The following AUTS2 variants were observed in gnomAD, a reference collection of about 807,000 sequenced individuals.
The protein encoded by AUTS2 is activator of transcription and developmental regulator AUTS2.
AUTS2 carries 17 observed loss-of-function variants against 112.4 expected under a neutral mutation model. That is an observed-to-expected ratio of 0.15 (90% CI 0.10 to 0.23). The LOEUF (loss-of-function observed/expected upper bound fraction) is 0.23. Among genes scored for constraint, AUTS2 ranks in the 10% least tolerant of loss-of-function variants. The pLI, the probability that AUTS2 is intolerant of heterozygous loss-of-function variation, is 1.00. For missense variants in AUTS2, 1,510 were observed against 1,701.6 expected (o/e 0.89, Z 1.98); for synonymous variants, 751 against 702.7 (o/e 1.07, Z -1.09).
At chr7:70,519,092 T>A (rs1374150482) in intron 5 of AUTS2, among the ~76,000 whole-genome samples, 1 of 152,222 alleles carries the variant, frequency 6.6e-6, no homozygotes, top group Non-Finnish European at 1.5e-5. Flanking sequence ...AGCCTTTATT[T>A]ACACTGTTTG....
At chr7:70,418,075 CTGTGTGTGTGTGTGTG>C (rs34869843) in intron 4 of AUTS2, among the ~76,000 whole-genome samples, 1 of 136,370 alleles carries the variant, frequency 7.3e-6, no homozygotes, top group African/African-American at 2.6e-5. Flanking sequence ...GGCTAACTTT[CTGTGTGTGTGTGTGTG>C]TGTGTGTGTG....
At position 70,709,196 on chromosome 7, in the gene AUTS2, C is replaced by T. The variant is rs1470602069; in HGVS notation, c.742+10576C>T. Reference sequence around the variant, plus strand: ...CCTCCCAAAGCACTGGGATTACAGGCGTGAGCCACCGTACCCGGCCTTGTT... The same window carrying T: ...CCTCCCAAAGCACTGGGATTACAGGTGTGAGCCACCGTACCCGGCCTTGTT... On this transcript the variant is annotated intron_variant, in intron 6 of 18. Transcript: ENST00000342771. Among the ~76,000 whole-genome samples the T allele has an allele frequency of 4.6e-5, 7 of 152,022 alleles. No individual in the cohort carries two copies. The East Asian group carries it at 9.8e-4, about 21-fold the overall frequency.
intron 5 of AUTS2, among the ~76,000 whole-genome samples, chr7:70,455,018 T>A (rs1261646895): frequency 6.6e-6 from 1 of 152,202 alleles, no homozygotes; most frequent in Non-Finnish European, 1.5e-5. Context: ...GTTGATTCTT[T>A]GCTTCCCTTT....
chr7:70,619,407 G>T lies in AUTS2; in HGVS notation c.691-79162G>T, dbSNP rs1045310704. Among the ~76,000 whole-genome samples the T allele has an allele frequency of 2.6e-5, 4 of 152,050 alleles. No homozygotes were observed. In the East Asian group the frequency reaches 7.8e-4, roughly 30 times the overall value. Reference sequence around the variant, plus strand: ...CTTTTTGTGCCTGGCCATTGTCTGGGGAGTGCGTGCGGCCTGCCATGCTCT... The same window carrying T: ...CTTTTTGTGCCTGGCCATTGTCTGGTGAGTGCGTGCGGCCTGCCATGCTCT... On this transcript the variant is annotated intron_variant, in intron 5 of 18. Coordinates refer to ENST00000342771, the MANE Select transcript of AUTS2 (RefSeq NM_015570.4).
intron 2 of AUTS2, among the ~76,000 whole-genome samples, chr7:69,906,169 T>G (rs1795142188): frequency 6.6e-6 from 1 of 152,214 alleles, no homozygotes; most frequent in Admixed American, 6.5e-5. Context: ...TGGTAGTTGA[T>G]GAGGGTAGGA....
At chr7:70,518,410 C>T (rs3113270) in intron 5 of AUTS2, among the ~76,000 whole-genome samples, 2,366 of 152,028 alleles carry the variant, frequency 0.016, 78 homozygotes, top group African/African-American at 0.054. Flanking sequence ...GGGCTGGGTG[C>T]GGTGGCTCAT....
At chr7:70,344,714 T>C (rs191109709) in intron 4 of AUTS2, among the ~76,000 whole-genome samples, 27 of 152,340 alleles carry the variant, frequency 1.8e-4, no homozygotes, top group African/African-American at 6.0e-4. Flanking sequence ...GCTAGCAGTA[T>C]GTCTCCCCCA....
intron 5 of AUTS2, among the ~76,000 whole-genome samples, chr7:70,640,938 C>T (rs1563094756): frequency 6.6e-6 from 1 of 152,246 alleles, no homozygotes; most frequent in East Asian, 1.9e-4. Flanking sequence ...TCTGATCTCC[C>T]CCGTTCCACA....
In AUTS2 at chr7:70,759,568, A is replaced by G. The variant is rs539197950; in HGVS notation, c.743-3302A>G. On this transcript the variant is annotated intron_variant, in intron 6 of 18. Transcript: ENST00000342771. ...TTGGGGTCTTCCCTTCATCTCTGGT[A>G]GCTTGTTGGAGGTGGTGCTGACGGC... Among the ~76,000 whole-genome samples, 4 of 152,312 alleles carry G rather than the reference A, an allele frequency of 2.6e-5. No individual in the cohort carries two copies. The East Asian group carries it at 7.7e-4, about 29-fold the overall frequency.
chr7:70,612,508 G>A (rs557546167), intron 5 of AUTS2, among the ~76,000 whole-genome samples: 9 of 151,986 alleles, frequency 5.9e-5, no homozygotes, highest in Admixed American at 2.6e-4. Context: ...TGTGAACCCT[G>A]GAGATGATCT....
intron 5 of AUTS2, among the ~76,000 whole-genome samples, chr7:70,560,632 G>T (rs577602461): frequency 6.6e-5 from 10 of 152,292 alleles, no homozygotes; most frequent in African/African-American, 2.2e-4. Context: ...GAAAGCAGAA[G>T]AATTCATTTT....
intron 4 of AUTS2, among the ~76,000 whole-genome samples, chr7:70,354,464 C>T (rs1204182876): frequency 6.6e-6 from 1 of 152,220 alleles, no homozygotes; most frequent in Non-Finnish European, 1.5e-5. Flanking sequence ...TTGTCATTAG[C>T]TTTTCGCATG....
chr7:69,834,958 G>A (rs1258496121), intron 1 of AUTS2, among the ~76,000 whole-genome samples: 5 of 151,204 alleles, frequency 3.3e-5, no homozygotes, highest in Non-Finnish European at 5.9e-5. Context: ...CCTTTCCTCC[G>A]TTTTCTCTGT....
intron 1 of AUTS2, among the ~76,000 whole-genome samples, chr7:69,818,640 C>T (rs181908849): frequency 2.8e-4 from 43 of 152,240 alleles, no homozygotes; most frequent in Non-Finnish European, 3.7e-4. Context: ...CAGAACTCTC[C>T]GAAGCATTGA....
intron 1 of AUTS2, among the ~76,000 whole-genome samples, chr7:69,751,528 G>C (rs1378740986): frequency 6.6e-6 from 1 of 152,194 alleles, no homozygotes; most frequent in African/African-American, 2.4e-5. Flanking sequence ...AAGGAGGTAA[G>C]TGTATTTAGG....
At chr7:69,948,901 G>C (rs1462327083) in intron 2 of AUTS2, among the ~76,000 whole-genome samples, 1 of 151,958 alleles carries the variant, frequency 6.6e-6, no homozygotes, top group Non-Finnish European at 1.5e-5. Flanking sequence ...CACCTCCCGG[G>C]TTCAAGTGAT....
Position 70,764,037 on chromosome 7 carries a change from G to C in AUTS2, c.1214+696G>C, listed in dbSNP as rs556776450. ...AACCCAGTGTGCAGCGCCAAGTAGA[G>C]CCGAGCCCTGGTGCCCCGGGGGCTA... On this transcript the variant is annotated intron_variant, in intron 7 of 18. Coordinates refer to ENST00000342771, the MANE Select transcript of AUTS2 (RefSeq NM_015570.4). 1.2e-3 allele frequency among the ~76,000 whole-genome samples: 181 copies of C among 152,294 alleles called. 1 individual carries two copies. Among genetic ancestry groups the C allele is most frequent in the African/African-American group, 3.7e-3 (155 of 41,560 alleles).
intron 2 of AUTS2, among the ~76,000 whole-genome samples, chr7:69,963,005 C>T (rs898451027): frequency 6.6e-6 from 1 of 152,072 alleles, no homozygotes; most frequent in African/African-American, 2.4e-5. Context: ...ATGATGTGTT[C>T]CAACTACAGC....
intron 4 of AUTS2, among the ~76,000 whole-genome samples, chr7:70,319,953 T>G (rs1191339228): frequency 6.6e-6 from 1 of 152,192 alleles, no homozygotes; most frequent in African/African-American, 2.4e-5. Flanking sequence ...CGTTCATAGA[T>G]CAAATTGTCC....
Sources: gnomAD v4.1 joint callset for allele counts (sites outside exome capture counted in the v4.1 genomes callset) on GRCh38, gnomAD v4.1.1 for gene constraint, MANE v1.5 for transcripts, NCBI Gene and HGNC (gene_info 2026-07-23, HGNC 2026-07-21) for gene names.